KCTD3: variants seen among roughly 807,000 people sequenced by gnomAD.
KCTD3 encodes the protein BTB/POZ domain-containing protein KCTD3.
In KCTD3, 41 loss-of-function variants were observed where a neutral mutation model predicts 85.8. That is an observed-to-expected ratio of 0.48 (90% CI 0.37 to 0.62). The LOEUF (loss-of-function observed/expected upper bound fraction) is 0.62, where lower values mean the gene tolerates loss of function less well. Among genes scored for constraint, KCTD3 ranks in the 20% least tolerant of loss-of-function variants. The probability of loss-of-function intolerance (pLI) is 0.00; values close to 1 mark genes in which losing one functional copy is unlikely to be tolerated. For missense variants in KCTD3, 724 were observed against 989.9 expected (o/e 0.73, Z 3.60); for synonymous variants, 338 against 345.4 (o/e 0.98, Z 0.24).
intron 9 of KCTD3, among the ~76,000 whole-genome samples, chr1:215,587,933 C>T (rs1356420711): frequency 2.0e-5 from 3 of 152,028 alleles, no homozygotes; most frequent in East Asian, 1.9e-4. Flanking sequence ...AATGTTGATA[C>T]CTTTCATTGT....
Position 215,608,149 on chromosome 1 carries a change from G to A in KCTD3, c.1442G>A (p.Ser481Asn). ...CTGGAGGAGACAGAAAGTCATGGTA[G>A]CTATTCCTCTGGAAATGACATAGGT... The part of the protein sequence containing the change: ...LSLEETESHG[S>N]YSSGNDIGPF... The change falls in exon 14 of 18, where the codon AGC (serine) becomes AAC (asparagine). Residue 481 changes from serine (S) to asparagine (N), a missense_variant. Physicochemically the swap from Ser to Asn is conservative, Grantham distance 46. Around this residue, in one of 6 missense-constraint regions of KCTD3, gnomAD observed 136 missense variants for 197.6 expected, o/e 0.69. Transcript: ENST00000259154. 1 of 1,610,886 alleles carries A rather than the reference G, an allele frequency of 6.2e-7. No individual in the cohort carries two copies.
chr1:215,569,823 T>C (rs1169179535), intron 1 of KCTD3, among the ~76,000 whole-genome samples: 1 of 152,174 alleles, frequency 6.6e-6, no homozygotes, highest in East Asian at 1.9e-4. Flanking sequence ...ATAGTACATA[T>C]ATTACTGGTT....
In KCTD3 at chr1:215,620,397, T is replaced by C. The variant is rs778895356; in HGVS notation, c.2227T>C (p.Ser743Pro). Residue 743 changes from serine to proline, a missense_variant, in exon 18 of 18, where the codon TCA (serine) becomes CCA (proline). Transcript: ENST00000259154. ...TTTTTCAGAATCCAAGAAAAGGTCA[T>C]CAGAAGATGAAAATGAAAATAAAAT... The part of the protein sequence containing the change: ...EGFSESKKRS[S>P]EDENENKIEF... 6.2e-7 allele frequency: 1 copy of C among 1,612,870 alleles called. No homozygotes were observed. Among genetic ancestry groups the C allele is most frequent in the East Asian group, 2.2e-5 (1 of 44,880 alleles).
At chr1:215,567,844 G>C in intron 1 of KCTD3, 76 bp downstream of exon 1, 1 of 1,031,292 alleles carries the variant, frequency 9.7e-7, no homozygotes, top group Non-Finnish European at 1.2e-6. Flanking sequence ...GGGACCGAGA[G>C]TCGCAGGAAC....
At chr1:215,591,714 G>C (rs1660232938) in intron 9 of KCTD3, among the ~76,000 whole-genome samples, 1 of 152,198 alleles carries the variant, frequency 6.6e-6, no homozygotes, top group Non-Finnish European at 1.5e-5. Context: ...CCTTAGCCAA[G>C]GTCTTAGGGA....
chr1:215,597,219 G>T (rs1654616059), intron 10 of KCTD3, among the ~76,000 whole-genome samples: 1 of 149,802 alleles, frequency 6.7e-6, no homozygotes, highest in African/African-American at 2.5e-5. Context: ...TCTGATTTGG[G>T]TAAGAAAAGT....
chr1:215,591,686 T>G (rs1660230426), intron 9 of KCTD3, among the ~76,000 whole-genome samples: 1 of 152,198 alleles, frequency 6.6e-6, no homozygotes, highest in Admixed American at 6.5e-5. Context: ...ATTCTTGCCC[T>G]GCCCAGGTGC....
At chr1:215,575,704 C>T (rs1659546135) in intron 3 of KCTD3, among the ~76,000 whole-genome samples, 197 bp from the exon 4 acceptor site, 1 of 152,016 alleles carries the variant, frequency 6.6e-6, no homozygotes, top group Non-Finnish European at 1.5e-5. Flanking sequence ...GAAAAAGACA[C>T]CATCTCAAGA....
intron 15 of KCTD3, among the ~76,000 whole-genome samples, chr1:215,613,966 C>A (rs116435763): frequency 0.018 from 2,208 of 123,624 alleles, 62 homozygotes; most frequent in African/African-American, 0.064. Context: ...CTTAGGATTG[C>A]TTTGTCTATT....
At chr1:215,614,035 T>TTG (rs1364701059) in intron 15 of KCTD3, among the ~76,000 whole-genome samples, 2 of 139,330 alleles carry the variant, frequency 1.4e-5, no homozygotes, top group Non-Finnish European at 3.1e-5. Context: ...TTTTTTTTTT[T>TTG]TTTTTTTTTT....
chr1:215,607,044 T>G (rs533928731), intron 13 of KCTD3, among the ~76,000 whole-genome samples: 4 of 152,058 alleles, frequency 2.6e-5, no homozygotes, highest in South Asian at 2.1e-4. Context: ...TTTTGTTATA[T>G]AAGAATAGAA....
intron 6 of KCTD3, among the ~76,000 whole-genome samples, chr1:215,578,741 C>T (rs1468188900): frequency 2.0e-5 from 3 of 152,132 alleles, no homozygotes; most frequent in Non-Finnish European, 4.4e-5. Context: ...CCCATTAATT[C>T]AGTAACCTAA....
chr1:215,573,808 C>A lies in KCTD3; in HGVS notation c.106C>A (p.Leu36Ile). ...CAGATTTAGTACCTCAAGACAAACTCTTATGTGGATTCCAGATTCTTTTTT... is the reference window on the plus strand; with the variant it reads ...CAGATTTAGTACCTCAAGACAAACTATTATGTGGATTCCAGATTCTTTTTT... The part of the protein sequence containing the change: ...GTRFSTSRQT[L>I]MWIPDSFFSS... The change falls in exon 2 of 18, where the codon CTT becomes ATT. Residue 36 changes from leucine to isoleucine, a missense_variant. This residue lies in a region of KCTD3 where 97 missense variants were observed against 115.7 expected (regional missense o/e 0.84). Coordinates refer to ENST00000259154, the MANE Select transcript of KCTD3 (RefSeq NM_016121.5). 1 of 1,577,124 alleles carries A rather than the reference C, an allele frequency of 6.3e-7. No individual in the cohort carries two copies. The highest frequency in any genetic ancestry group is 1.1e-5 in the South Asian group (1 of 87,618).
intron 17 of KCTD3, 70 bp downstream of exon 17, chr1:215,619,361 T>C: frequency 7.8e-7 from 1 of 1,281,052 alleles, no homozygotes; most frequent in South Asian, 1.4e-5. Flanking sequence ...AATATTGTAA[T>C]CACATAGTTG....
At chr1:215,588,570 A>G (rs185241871) in intron 9 of KCTD3, among the ~76,000 whole-genome samples, 208 of 152,202 alleles carry the variant, frequency 1.4e-3, no homozygotes, top group Non-Finnish European at 2.5e-3. Context: ...GTTGCTTTGC[A>G]TCATCAGTGT....
intron 8 of KCTD3, among the ~76,000 whole-genome samples, chr1:215,580,568 A>T (rs76678377): frequency 8.9e-5 from 12 of 135,348 alleles, no homozygotes; most frequent in South Asian, 7.1e-4. Context: ...TAGACCGGTG[A>T]TTTTTTTTTT....
chr1:215,599,833 T>A (rs994981293), intron 10 of KCTD3, among the ~76,000 whole-genome samples: 2 of 149,540 alleles, frequency 1.3e-5, no homozygotes, highest in Non-Finnish European at 3.0e-5. Context: ...AGAGAATAAA[T>A]GGTAAAAATG....
intron 10 of KCTD3, among the ~76,000 whole-genome samples, chr1:215,597,916 A>G (rs1164144590): frequency 6.6e-6 from 1 of 152,032 alleles, no homozygotes; most frequent in Admixed American, 6.5e-5. Context: ...TATTGTCTTG[A>G]CTGCTGTCTT....
At chr1:215,601,207 C>A (rs551867347) in intron 10 of KCTD3, among the ~76,000 whole-genome samples, 2 of 142,910 alleles carry the variant, frequency 1.4e-5, no homozygotes, top group Admixed American at 6.8e-5. Context: ...TCTTTTAGCA[C>A]AAATATGGGA....
Sources: gnomAD v4.1 joint callset for allele counts (sites outside exome capture counted in the v4.1 genomes callset) on GRCh38, gnomAD v4.1.1 for gene constraint, gnomAD v4.1.1 regional missense constraint, MANE v1.5 for transcripts, NCBI Gene and HGNC (gene_info 2026-07-23, HGNC 2026-07-21) for gene names.